The following ABCC9 variants were observed in gnomAD, a reference collection of about 807,000 sequenced individuals.
The protein encoded by ABCC9 is ATP binding cassette subfamily C member 9.
ABCC9 carries 95 observed loss-of-function variants against 188.3 expected under a neutral mutation model. That is an observed-to-expected ratio of 0.50 (90% CI 0.43 to 0.60). The LOEUF (loss-of-function observed/expected upper bound fraction) is 0.60. Ranked by LOEUF, ABCC9 falls within the 20% of genes least tolerant of loss-of-function variation. The pLI, the probability that ABCC9 is intolerant of heterozygous loss-of-function variation, is 0.00. For synonymous variants in ABCC9, 659 were observed against 652.7 expected (o/e 1.01, Z -0.15); for missense variants, 1,102 against 1,876.3 (o/e 0.59, Z 7.62).
chr12:21,904,597 C>T (rs1404256250), intron 12 of ABCC9, among the ~76,000 whole-genome samples: 1 of 152,148 alleles, frequency 6.6e-6, no homozygotes, highest in Non-Finnish European at 1.5e-5. Context: ...AAACAAACAA[C>T]CCCATCAAAA....
intron 5 of ABCC9, among the ~76,000 whole-genome samples, chr12:21,917,698 G>A (rs746861490): frequency 7.2e-5 from 11 of 152,080 alleles, no homozygotes; most frequent in Non-Finnish European, 1.2e-4. Flanking sequence ...GAACTGAAAC[G>A]TCAAGTACTA....
intron 4 of ABCC9, among the ~76,000 whole-genome samples, chr12:21,930,900 G>A (rs541163666): frequency 3.9e-5 from 6 of 152,012 alleles, no homozygotes; most frequent in African/African-American, 1.5e-4. Flanking sequence ...GGGCATATGT[G>A]GGGGAAAGAT....
intron 18 of ABCC9, among the ~76,000 whole-genome samples, chr12:21,870,237 T>C (rs1946000537): frequency 6.6e-6 from 1 of 152,080 alleles, no homozygotes; most frequent in Admixed American, 6.6e-5. Context: ...ATAAGGTATA[T>C]GGAAGATATT....
chr12:21,849,608 TAAAC>T lies in ABCC9; in HGVS notation c.2770-1366_2770-1363del, dbSNP rs201057497. Among the ~76,000 whole-genome samples, 383 of 152,156 alleles carry T rather than the reference TAAAC, an allele frequency of 2.5e-3. 6 individuals are homozygous for T. In the East Asian group the frequency reaches 0.044, roughly 18 times the overall value. The stretch of plus-strand genomic sequence containing the variant: ...GACCTTGGAGACTTAAAAAAACAAA[TAAAC>T]AAACAAAAAAACCCAAACAAACTTT... On this transcript the variant is annotated intron_variant, in intron 24 of 39. Coordinates refer to ENST00000261200, the MANE Select transcript of ABCC9 (RefSeq NM_020297.4).
At chr12:21,937,787 C>A (rs922706564) in intron 2 of ABCC9, among the ~76,000 whole-genome samples, 22 of 152,154 alleles carry the variant, frequency 1.4e-4, no homozygotes, top group Non-Finnish European at 3.1e-4. Flanking sequence ...AACTTGCCAA[C>A]CAGTAAAGCG....
chr12:21,884,594 A>G (rs1391696182), intron 15 of ABCC9, among the ~76,000 whole-genome samples: 2 of 152,226 alleles, frequency 1.3e-5, no homozygotes, highest in Admixed American at 1.3e-4. Flanking sequence ...TCAGTAATTT[A>G]ATCCAAACAA....
chr12:21,927,635 T>C (rs1031008972), intron 4 of ABCC9, among the ~76,000 whole-genome samples: 1 of 152,042 alleles, frequency 6.6e-6, no homozygotes, highest in Non-Finnish European at 1.5e-5. Context: ...GATGAGCAGA[T>C]TGGAAAGAGG....
chr12:21,848,133 A>G lies in ABCC9; in HGVS notation c.2866+17T>C. The G allele has an allele frequency of 5.6e-6, 9 of 1,609,138 alleles. No individual in the cohort carries two copies. The highest frequency in any genetic ancestry group is 7.7e-6 in the Non-Finnish European group (9 of 1,175,750). On this transcript the variant is annotated intron_variant, in intron 25 of 39. Coordinates refer to ENST00000261200, the MANE Select transcript of ABCC9 (RefSeq NM_020297.4). ...TTATCCCATTAGAATGTTCCAGATA[A>G]AAGAAAAAAGATCTACCTTCGTCTT...
chr12:21,891,712 T>C (rs1466903300), intron 14 of ABCC9, among the ~76,000 whole-genome samples: 1 of 152,220 alleles, frequency 6.6e-6, no homozygotes, highest in Non-Finnish European at 1.5e-5. Flanking sequence ...TATCCCATTC[T>C]AACCCACCAA....
At chr12:21,901,909 A>G (rs1947773713) in intron 12 of ABCC9, among the ~76,000 whole-genome samples, 1 of 152,210 alleles carries the variant, frequency 6.6e-6, no homozygotes, top group African/African-American at 2.4e-5. Context: ...ACAGAAAGTT[A>G]ACAAGGATAT....
chr12:21,875,596 G>T, intron 17 of ABCC9, 58 bp downstream of exon 17: 2 of 1,267,272 alleles, frequency 1.6e-6, no homozygotes, highest in Admixed American at 1.8e-5. Flanking sequence ...CAATTATCTT[G>T]GAAAACTATG....
chr12:21,859,124 C>A lies in ABCC9; in HGVS notation c.2505+462G>T, dbSNP rs571027638. 2.6e-5 allele frequency among the ~76,000 whole-genome samples: 4 copies of A among 152,206 alleles called. No homozygotes were observed. The East Asian group carries it at 7.7e-4, about 29-fold the overall frequency. On this transcript the variant is annotated intron_variant, in intron 22 of 39. Transcript: ENST00000261200. ...TTATGCCACAGGTCTAGAGCAAAAC[C>A]AAGCTTTCTACAGTTGTAGGGAGCA...
chr12:21,816,978 T>A (rs1256498979), intron 33 of ABCC9, among the ~76,000 whole-genome samples: 1 of 152,140 alleles, frequency 6.6e-6, no homozygotes, highest in Non-Finnish European at 1.5e-5. Context: ...TAAATAAATA[T>A]CTGTTTGGAC....
intron 39 of ABCC9, among the ~76,000 whole-genome samples, chr12:21,801,565 C>T (rs1941435236): frequency 1.3e-5 from 2 of 152,188 alleles, no homozygotes; most frequent in Admixed American, 1.3e-4. Context: ...TGTACAGTCA[C>T]TAATTATTTG....
At chr12:21,844,065 C>T (rs1944513398) in intron 28 of ABCC9, among the ~76,000 whole-genome samples, 2 of 152,202 alleles carry the variant, frequency 1.3e-5, no homozygotes, top group Admixed American at 1.3e-4. Context: ...TCTGAAGCTT[C>T]AAGAACCAAT....
chr12:21,828,008 T>A (rs2137265814), intron 31 of ABCC9, among the ~76,000 whole-genome samples: 1 of 152,352 alleles, frequency 6.6e-6, no homozygotes, highest in South Asian at 2.1e-4. Context: ...CTTCCTTCTC[T>A]TTTCTGTTGT....
At chr12:21,801,244 A>C in intron 39 of ABCC9, 63 bp from the exon 40 acceptor site, 1 of 1,598,448 alleles carries the variant, frequency 6.3e-7, no homozygotes. Context: ...AAACAATGGA[A>C]TATGTATATT....
rs527765253 is a variant in ABCC9, at chr12:21,845,949, T to C, written c.2867-117A>G. The C allele has an allele frequency of 4.6e-6, 4 of 860,860 alleles. No individual in the cohort carries two copies. The East Asian group carries it at 1.1e-4, about 23-fold the overall frequency. The allele number at this position is 860,860 out of a possible 1,614,324, so 53.3% of individuals were successfully genotyped here. On this transcript the variant is annotated intron_variant, in intron 25 of 39. Transcript: ENST00000261200. ...ATTTATAAAAATGTAAGCATTAGTA[T>C]TGAAGTTTTAAATGCTTTTAGTAGG...
intron 3 of ABCC9, among the ~76,000 whole-genome samples, chr12:21,935,816 C>A (rs917962953): frequency 1.3e-5 from 2 of 151,992 alleles, no homozygotes; most frequent in African/African-American, 2.4e-5. Context: ...TATCAAAATA[C>A]TTCATAATTT....
Sources: gnomAD v4.1 joint callset for allele counts (sites outside exome capture counted in the v4.1 genomes callset) on GRCh38, gnomAD v4.1.1 for gene constraint, MANE v1.5 for transcripts, NCBI Gene and HGNC (gene_info 2026-07-23, HGNC 2026-07-21) for gene names.